Variants in RYR2 observed in about 807,000 individuals in gnomAD.
RYR2 encodes cardiac muscle ryanodine receptor-calcium release channel.
Under a neutral mutation model 601.1 loss-of-function variants are expected in RYR2, and 227 were observed. The ratio of observed to expected loss-of-function variants is 0.38; its 90% CI spans 0.34 to 0.42. The LOEUF (loss-of-function observed/expected upper bound fraction) is 0.42. RYR2 is among the 10% of genes least tolerant of loss of function. The pLI is 1.00. For synonymous variants in RYR2, 2,223 were observed against 2,175.1 expected (o/e 1.02, Z -0.61); for missense variants, 4,646 against 6,156.5 (o/e 0.75, Z 8.21).
At chr1:237,753,082 C>T (rs1199948939) in intron 80 of RYR2, among the ~76,000 whole-genome samples, 1 of 152,134 alleles carries the variant, frequency 6.6e-6, no homozygotes, top group Non-Finnish European at 1.5e-5. Context: ...CAGGTTCTGC[C>T]CCAGAGGTCA....
At chr1:237,042,859 G>A (rs1660082123) in intron 1 of RYR2, among the ~76,000 whole-genome samples, 1 of 152,150 alleles carries the variant, frequency 6.6e-6, no homozygotes, top group African/African-American at 2.4e-5. Context: ...GGACAGGAGC[G>A]TCGGAGCTGC....
intron 17 of RYR2, among the ~76,000 whole-genome samples, chr1:237,472,281 T>A (rs894487269): frequency 2.0e-5 from 3 of 152,186 alleles, no homozygotes; most frequent in African/African-American, 7.2e-5. Context: ...GAACACACAC[T>A]CTCCTCATCT....
rs183751488 is a variant in RYR2 at position 237,681,396 on chromosome 1, C to A, written c.9017+819C>A. Among the ~76,000 whole-genome samples the A allele has an allele frequency of 2.6e-5, 4 of 152,210 alleles. No individual in the cohort carries two copies. The East Asian group carries it at 7.7e-4, about 29-fold the overall frequency. On this transcript the variant is annotated intron_variant, in intron 62 of 104. Coordinates refer to ENST00000366574, the MANE Select transcript of RYR2 (RefSeq NM_001035.3). ...GTGAGATGAGATTGCATACAGCCTC[C>A]GTGAGAGGGTGGAGAAGTGGAAAGA...
At chr1:237,199,628 C>T (rs1159326633) in intron 1 of RYR2, among the ~76,000 whole-genome samples, 3 of 152,184 alleles carry the variant, frequency 2.0e-5, no homozygotes, top group Non-Finnish European at 4.4e-5. Flanking sequence ...TTTGCCAGCA[C>T]CCTCATAGGC....
intron 97 of RYR2, among the ~76,000 whole-genome samples, chr1:237,800,374 T>C (rs1002116101): frequency 6.6e-6 from 1 of 152,034 alleles, no homozygotes; most frequent in African/African-American, 2.4e-5. Flanking sequence ...TAAAGGCTCC[T>C]GTGATAATAA....
chr1:237,456,534 T>C, intron 15 of RYR2, 66 bp from the exon 16 acceptor site: 1 of 1,405,578 alleles, frequency 7.1e-7, no homozygotes, highest in Non-Finnish European at 9.3e-7. Context: ...TTAGCATTTT[T>C]AGTCTGTAAG....
chr1:237,596,393 C>A (rs1675897269), intron 34 of RYR2, among the ~76,000 whole-genome samples: 1 of 151,836 alleles, frequency 6.6e-6, no homozygotes, highest in Non-Finnish European at 1.5e-5. Context: ...CTCAAGAATT[C>A]AATAAATGAA....
chr1:237,142,012 C>T (rs1673440764), intron 1 of RYR2, among the ~76,000 whole-genome samples: 1 of 152,196 alleles, frequency 6.6e-6, no homozygotes, highest in Non-Finnish European at 1.5e-5. Flanking sequence ...ACAACAGATC[C>T]CTTCTTACAG....
intron 80 of RYR2, among the ~76,000 whole-genome samples, chr1:237,749,527 A>G (rs1231461695): frequency 6.6e-6 from 1 of 152,174 alleles, no homozygotes; most frequent in Non-Finnish European, 1.5e-5. Flanking sequence ...TGTGGTGAAC[A>G]TAAACAACAC....
intron 49 of RYR2, among the ~76,000 whole-genome samples, chr1:237,649,249 G>T (rs1682475705): frequency 6.6e-6 from 1 of 152,174 alleles, no homozygotes; most frequent in East Asian, 1.9e-4. Flanking sequence ...TCAATTAAAT[G>T]TGCTTTTTTG....
chr1:237,162,464 A>G (rs923308856), intron 1 of RYR2, among the ~76,000 whole-genome samples: 1 of 152,062 alleles, frequency 6.6e-6, no homozygotes, highest in Non-Finnish European at 1.5e-5. Flanking sequence ...ATTTTCCACA[A>G]CTTTTAATTT....
In RYR2 at chr1:237,406,074, G is replaced by A. The variant is rs149844539; in HGVS notation, c.774-10975G>A. Among the ~76,000 whole-genome samples, 1,389 of 150,950 alleles carry A rather than the reference G, an allele frequency of 9.2e-3. 35 individuals carry two copies. The highest frequency in any genetic ancestry group is 0.032 in the African/African-American group (1,327 of 41,172). On this transcript the variant is annotated intron_variant, in intron 10 of 104. Transcript: ENST00000366574. ...ATGCTGAATTCTTACTCAGCTCCAG[G>A]AGTGAACCCAAATATCTCCCTCATG...
At chr1:237,417,244 G>A (rs754526259) in intron 11 of RYR2, 121 bp downstream of exon 11, 5 of 702,680 alleles carry the variant, frequency 7.1e-6, no homozygotes, top group South Asian at 1.8e-5. Context: ...AGGAAACACC[G>A]AGAAAGTGGT....
At chr1:237,255,361 A>G (rs932440110) in intron 1 of RYR2, among the ~76,000 whole-genome samples, 16 of 152,228 alleles carry the variant, frequency 1.1e-4, no homozygotes, top group Non-Finnish European at 2.4e-4. Flanking sequence ...ATTAAATGCT[A>G]AATTCTGATA....
intron 2 of RYR2, among the ~76,000 whole-genome samples, chr1:237,279,996 G>A (rs767088223): frequency 1.3e-4 from 20 of 152,184 alleles, no homozygotes; most frequent in Non-Finnish European, 2.5e-4. Flanking sequence ...CCTTGTAGAT[G>A]TAACAATATC....
At chr1:237,334,596 GA>G (rs1296321396) in intron 3 of RYR2, among the ~76,000 whole-genome samples, 1 of 152,154 alleles carries the variant, frequency 6.6e-6, no homozygotes, top group African/African-American at 2.4e-5. Flanking sequence ...GAAGCTTTCA[GA>G]TCTTGAGGAT....
chr1:237,389,585 C>T (rs11809560), intron 10 of RYR2, among the ~76,000 whole-genome samples: 2,162 of 152,202 alleles, frequency 0.014, 50 homozygotes, highest in African/African-American at 0.049. Flanking sequence ...TTACTTGCAT[C>T]ATAGACATTT....
At chr1:237,360,025 G>A (rs1699648761) in intron 4 of RYR2, among the ~76,000 whole-genome samples, 1 of 152,188 alleles carries the variant, frequency 6.6e-6, no homozygotes. Flanking sequence ...TAAAAAATAT[G>A]ATGATGCTGT....
chr1:237,821,821 G>A (rs1662537363), intron 101 of RYR2, among the ~76,000 whole-genome samples: 1 of 151,674 alleles, frequency 6.6e-6, no homozygotes, highest in African/African-American at 2.4e-5. Context: ...CAGATTAGAG[G>A]AGAACATAAA....
Sources: gnomAD v4.1 joint callset for allele counts (sites outside exome capture counted in the v4.1 genomes callset) on GRCh38, gnomAD v4.1.1 for gene constraint, MANE v1.5 for transcripts, NCBI Gene and HGNC (gene_info 2026-07-23, HGNC 2026-07-21) for gene names.